Variants in COL6A5 observed in about 807,000 individuals in gnomAD.
COL6A5 encodes the protein collagen alpha-5(VI) chain.
COL6A5 carries 48 observed loss-of-function variants against 65.6 expected under a neutral mutation model. That is an observed-to-expected ratio of 0.73 (90% CI 0.58 to 0.93). The LOEUF (loss-of-function observed/expected upper bound fraction) is 0.93. Among genes scored for constraint, COL6A5 ranks in the 40% least tolerant of loss-of-function variants. The probability of loss-of-function intolerance (pLI) is 0.00; values close to 1 mark genes in which losing one functional copy is unlikely to be tolerated. For missense variants in COL6A5, 914 were observed against 928.3 expected, an observed-to-expected ratio of 0.98 and a Z score of 0.20; for synonymous variants, 291 against 322.8, an observed-to-expected ratio of 0.90 and a Z score of 1.05.
rs776219442 is a variant in COL6A5, at chr3:130,397,794, C to A, written c.3780C>A (p.Phe1260Leu). 3.2e-6 allele frequency: 5 copies of A among 1,551,652 alleles called. No individual in the cohort carries two copies. The East Asian group carries it at 9.8e-5, about 30-fold the overall frequency. The change falls in exon 9 of 42, where the codon TTC becomes TTA. Residue 1260 changes from phenylalanine to leucine, a missense_variant and NMD_transcript_variant. Physicochemically the swap from Phe to Leu is conservative, Grantham distance 22. Transcript: ENST00000312481. ...GTGACCAAGGATTCCCTGCCAAGTT[C>A]CAAATCTATCAGAAAGCAGTGTTTG...
chr3:130,408,325 CT>C (rs1435665642), intron 17 of COL6A5, among the ~76,000 whole-genome samples: 11 of 151,980 alleles, frequency 7.2e-5, no homozygotes, highest in Non-Finnish European at 4.4e-5. Context: ...CTGGGAGTGT[CT>C]GTCTTATGTA....
In COL6A5 at chr3:130,431,838, TCAAA is replaced by T; in HGVS notation, c.379_382del (p.Thr128ProfsTer44). The T allele has an allele frequency of 1.9e-6, 3 of 1,551,558 alleles. No homozygotes were observed. The highest frequency in any genetic ancestry group is 2.6e-6 in the Non-Finnish European group (3 of 1,146,936). On this transcript the variant is annotated frameshift_variant, in exon 1 of 8. Transcript: ENST00000512836. LOFTEE classifies it high-confidence loss of function. ...GAGTTGCTGTGTTTTTTAGCAATGG[TCAAA>T]CAGCCAGTAGGTCATCCATCATCAC...
intron 1 of COL6A5, 124 bp from the exon 34 acceptor site, chr3:130,439,398 C>A: frequency 1.7e-6 from 1 of 593,230 alleles, no homozygotes; most frequent in Non-Finnish European, 3.0e-6. Context: ...CTGAATGGAG[C>A]AAAGAGCTAT....
At chr3:130,403,805 G>T in intron 13 of COL6A5, 143 bp downstream of exon 13, 4 of 522,364 alleles carry the variant, frequency 7.7e-6, no homozygotes, top group Admixed American at 3.8e-5. Flanking sequence ...TTGTTTATAT[G>T]TTTATTTTTA....
At chr3:130,431,504 T>A (rs1453213754) in exon 1 of COL6A5, 1 of 1,551,602 alleles carries the variant, frequency 6.4e-7, no homozygotes, top group Non-Finnish European at 8.7e-7. Flanking sequence ...GTATTTGCTC[T>A]GGACAATTCC....
At chr3:130,474,647 A>G (rs74809496) in intron 7 of COL6A5, among the ~76,000 whole-genome samples, 1,821 of 152,232 alleles carry the variant, frequency 0.012, 39 homozygotes, top group African/African-American at 0.041. Context: ...AGTAAAAAAT[A>G]CAATATCTAA....
chr3:130,409,075 C>T (rs578144172), intron 17 of COL6A5, among the ~76,000 whole-genome samples: 1 of 152,140 alleles, frequency 6.6e-6, no homozygotes, highest in Non-Finnish European at 1.5e-5. Context: ...TCCATCACTG[C>T]AGAAACTCCT....
Position 130,374,583 on chromosome 3 carries a change from A to G in COL6A5, c.67+878A>G, listed in dbSNP as rs187574284. Among the ~76,000 whole-genome samples, 10 of 152,076 alleles carry G rather than the reference A, an allele frequency of 6.6e-5. No individual in the cohort carries two copies. The East Asian group carries it at 1.7e-3, about 27-fold the overall frequency. On this transcript the variant is annotated intron_variant and NMD_transcript_variant, in intron 2 of 41. Coordinates refer to the COL6A5 transcript ENST00000312481. ...ATCCTTCTGCCTCAGCCTCCCAAAT[A>G]GCTGGGACTACAAGTGCATGCCCCC...
intron 4 of COL6A5, among the ~76,000 whole-genome samples, chr3:130,447,577 G>A (rs903799493): frequency 6.6e-6 from 1 of 152,150 alleles, no homozygotes; most frequent in Non-Finnish European, 1.5e-5. Context: ...TCTAATATGT[G>A]TAATATAGAA....
intron 4 of COL6A5, among the ~76,000 whole-genome samples, chr3:130,383,123 G>A (rs1041969026): frequency 3.9e-5 from 6 of 152,012 alleles, no homozygotes; most frequent in African/African-American, 1.4e-4. Flanking sequence ...CACAGGTGAG[G>A]CCTTGAGCCA....
rs118035439 is a variant in COL6A5, at chr3:130,414,843, C to T, written c.4761+712C>T. 5.0e-3 allele frequency among the ~76,000 whole-genome samples: 754 copies of T among 152,136 alleles called. 27 individuals carry two copies. The highest frequency in any genetic ancestry group is 0.043 in the Admixed American group (663 of 15,280). On this transcript the variant is annotated intron_variant and NMD_transcript_variant, in intron 22 of 41. Transcript: ENST00000312481. Reference sequence around the variant, plus strand: ...GGAATTCATTATTTTCTAGAAAATTCAGGTATTAGGACCAAACTGGAATTT... The same window carrying T: ...GGAATTCATTATTTTCTAGAAAATTTAGGTATTAGGACCAAACTGGAATTT...
intron 5 of COL6A5, among the ~76,000 whole-genome samples, chr3:130,385,764 C>T (rs1035708638): frequency 3.9e-5 from 6 of 151,950 alleles, no homozygotes; most frequent in Admixed American, 3.3e-4. Context: ...GGAAAATGGA[C>T]TTTGGCTCTA....
intron 24 of COL6A5, among the ~76,000 whole-genome samples, chr3:130,418,498 C>G (rs1321763739): frequency 1.3e-5 from 2 of 152,120 alleles, no homozygotes; most frequent in Non-Finnish European, 2.9e-5. Context: ...CTAATAATTT[C>G]TTTTTCCAGC....
rs1439041723 is a variant in COL6A5, at chr3:130,401,087, A to G, written c.4048A>G (p.Ser1350Gly). The G allele has an allele frequency of 6.4e-7, 1 of 1,551,286 alleles. No individual in the cohort carries two copies. The highest frequency in any genetic ancestry group is 2.0e-5 in the Admixed American group (1 of 50,888). Reference sequence around the variant, plus strand: ...CACAACTGCTCATCATGAGTTTTCTAGCTTTGAATTTGGAAAAAGATTCGA... The same window carrying G: ...CACAACTGCTCATCATGAGTTTTCTGGCTTTGAATTTGGAAAAAGATTCGA... The change falls in exon 11 of 42, where the codon AGC (serine) becomes GGC (glycine). Residue 1350 changes from serine (S) to glycine (G), a missense_variant and NMD_transcript_variant. Ser to Gly is a moderately conservative substitution (Grantham distance 56). Coordinates refer to the COL6A5 transcript ENST00000312481.
chr3:130,414,209 A>C lies in COL6A5; in HGVS notation c.4761+78A>C, dbSNP rs1041435036. 4.2e-5 allele frequency: 48 copies of C among 1,143,200 alleles called. No homozygotes were observed. In the African/African-American group the frequency reaches 5.6e-4, roughly 13 times the overall value. 70.8% of individuals were successfully genotyped at this position (1,143,200 alleles called of 1,614,324 possible). The stretch of plus-strand genomic sequence containing the variant: ...GGGAAGAAGGCAGGTATTTCTGTAT[A>C]AAAATAAATAACTGAGAATCTGCCC... On this transcript the variant is annotated intron_variant and NMD_transcript_variant, in intron 22 of 41. Transcript: ENST00000312481.
At chr3:130,423,543 C>T (rs530455766) in intron 28 of COL6A5, among the ~76,000 whole-genome samples, 4 of 152,174 alleles carry the variant, frequency 2.6e-5, no homozygotes, top group East Asian at 1.9e-4. Flanking sequence ...TCTGTGTACC[C>T]TCATATATTT....
exon 10 of COL6A5, chr3:130,398,034 T>A: frequency 6.4e-7 from 1 of 1,551,028 alleles, no homozygotes; most frequent in Non-Finnish European, 8.7e-7. Context: ...CTCCAGGTGC[T>A]GCTTATTTTT....
At chr3:130,448,625 A>G (rs1388655009) in intron 4 of COL6A5, among the ~76,000 whole-genome samples, 3 of 152,136 alleles carry the variant, frequency 2.0e-5, no homozygotes, top group Non-Finnish European at 4.4e-5. Flanking sequence ...AAATTTGGTA[A>G]CAGTCAATTA....
exon 8 of COL6A5, chr3:130,484,075 G>A: frequency 6.2e-7 from 1 of 1,603,446 alleles, no homozygotes; most frequent in Admixed American, 1.7e-5. Flanking sequence ...AAAGAAGATA[G>A]CTCCACTGAC....
Sources: allele counts gnomAD v4.1 joint callset (sites outside exome capture counted in the v4.1 genomes callset), GRCh38; gene constraint gnomAD v4.1.1; transcripts MANE v1.5; gene names NCBI Gene and HGNC (gene_info 2026-07-23, HGNC 2026-07-21).